Variants in HDAC4 observed in about 807,000 individuals in gnomAD.
HDAC4 encodes histone deacetylase 4.
A neutral mutation model predicts 135.1 loss-of-function variants in HDAC4; 16 were observed. The observed-to-expected ratio is 0.12, with a 90% CI of 0.08 to 0.18. HDAC4 has a LOEUF of 0.18. HDAC4 is among the 10% of genes least tolerant of loss of function. The pLI, the probability that HDAC4 is intolerant of heterozygous loss-of-function variation, is 1.00. For synonymous variants in HDAC4, 685 were observed against 653.4 expected, an observed-to-expected ratio of 1.05 and a Z score of -0.74; for missense variants, 1,143 against 1,511.8, an observed-to-expected ratio of 0.76 and a Z score of 4.05.
intron 16 of HDAC4, among the ~76,000 whole-genome samples, chr2:239,101,053 A>G (rs973740804): frequency 3.9e-5 from 6 of 151,984 alleles, no homozygotes; most frequent in African/African-American, 7.2e-5. Context: ...GAGCTGTCGG[A>G]GTCTGTGGGG....
chr2:239,361,987 T>C (rs1291740525), intron 1 of HDAC4, among the ~76,000 whole-genome samples: 1 of 152,230 alleles, frequency 6.6e-6, no homozygotes, highest in Non-Finnish European at 1.5e-5. Flanking sequence ...ACGTTTGAAA[T>C]GTGTATCTGT....
intron 2 of HDAC4, among the ~76,000 whole-genome samples, chr2:239,276,413 C>G (rs1479381065): frequency 1.3e-5 from 2 of 152,232 alleles, no homozygotes; most frequent in Non-Finnish European, 2.9e-5. Context: ...AGGAGTGGGA[C>G]AGGCACCCGG....
At chr2:239,200,377 G>A (rs1406276805) in intron 3 of HDAC4, among the ~76,000 whole-genome samples, 2 of 152,128 alleles carry the variant, frequency 1.3e-5, no homozygotes, top group African/African-American at 2.4e-5. Flanking sequence ...TGGTGGGGAG[G>A]GGCACGCACG....
intron 24 of HDAC4, among the ~76,000 whole-genome samples, chr2:239,062,479 T>C (rs531014554): frequency 6.6e-6 from 1 of 152,254 alleles, no homozygotes; most frequent in Non-Finnish European, 1.5e-5. Context: ...TTGATAAAAC[T>C]AGTGCTTCCT....
intron 3 of HDAC4, among the ~76,000 whole-genome samples, chr2:239,200,873 C>T (rs573970647): frequency 4.6e-5 from 7 of 152,154 alleles, no homozygotes; most frequent in East Asian, 3.9e-4. Flanking sequence ...GATGGCACTG[C>T]GCTTTAGCCT....
intron 1 of HDAC4, among the ~76,000 whole-genome samples, chr2:239,378,249 G>A (rs1378354465): frequency 5.3e-5 from 8 of 152,244 alleles, no homozygotes; most frequent in African/African-American, 1.9e-4. Context: ...CTTCCTGGGG[G>A]AGACGAGCAC....
chr2:239,368,694 T>C (rs1258446318), intron 1 of HDAC4, among the ~76,000 whole-genome samples: 2 of 152,114 alleles, frequency 1.3e-5, no homozygotes, highest in Admixed American at 6.5e-5. Context: ...GTGCCTCTCC[T>C]GCCCAGGTGA....
chr2:239,175,894 C>A (rs1427090543), intron 5 of HDAC4, among the ~76,000 whole-genome samples: 1 of 152,174 alleles, frequency 6.6e-6, no homozygotes, highest in Non-Finnish European at 1.5e-5. Context: ...AATATTGAAT[C>A]CTGCAGCCCT....
intron 1 of HDAC4, among the ~76,000 whole-genome samples, chr2:239,395,106 C>G (rs1405619474): frequency 6.6e-6 from 1 of 152,142 alleles, no homozygotes; most frequent in Non-Finnish European, 1.5e-5. Context: ...GGAAGGGGAA[C>G]AGTGTGTGCA....
At chr2:239,369,961 C>A (rs1694492865) in intron 1 of HDAC4, among the ~76,000 whole-genome samples, 1 of 152,236 alleles carries the variant, frequency 6.6e-6, no homozygotes, top group Admixed American at 6.5e-5. Context: ...AATCATAGGA[C>A]CGCCACATCC....
intron 1 of HDAC4, among the ~76,000 whole-genome samples, chr2:239,390,243 C>T (rs774787129): frequency 2.0e-5 from 3 of 152,194 alleles, no homozygotes; most frequent in Admixed American, 6.5e-5. Context: ...ATACCTCCCT[C>T]GAAGCCAGCC....
At chr2:239,212,761 G>A (rs2046411846) in intron 3 of HDAC4, among the ~76,000 whole-genome samples, 1 of 152,154 alleles carries the variant, frequency 6.6e-6, no homozygotes, top group Admixed American at 6.5e-5. Flanking sequence ...GGTCCTCTCT[G>A]GGCTAAGAGA....
At position 239,332,001 on chromosome 2, in the gene HDAC4, A is replaced by G. The variant is rs566510092; in HGVS notation, c.22+20677T>C. Among the ~76,000 whole-genome samples, 4 of 152,358 alleles carry G rather than the reference A, an allele frequency of 2.6e-5. No homozygotes were observed. In the East Asian group the frequency reaches 7.7e-4, roughly 29 times the overall value. ...AGGGATACAAGAGGGAAAGGTGGAC[A>G]TTTCACAGTAACAAAAAGGCAGTTA... On this transcript the variant is annotated intron_variant, in intron 2 of 26. Coordinates refer to ENST00000543185, the MANE Select transcript of HDAC4 (RefSeq NM_001378414.1).
intron 3 of HDAC4, among the ~76,000 whole-genome samples, chr2:239,235,248 G>C (rs918008178): frequency 6.6e-6 from 1 of 151,868 alleles, no homozygotes; most frequent in African/African-American, 2.4e-5. Context: ...GAGCCTTCCC[G>C]GAGCAGGGCA....
At chr2:239,126,755 G>A in intron 11 of HDAC4, 61 bp from the exon 12 acceptor site, 2 of 1,501,690 alleles carry the variant, frequency 1.3e-6, no homozygotes, top group Non-Finnish European at 9.2e-7. Context: ...GAGGGAGAGA[G>A]GGCTATTGAG....
chr2:239,370,449 G>A (rs148969681), intron 1 of HDAC4, among the ~76,000 whole-genome samples: 4 of 152,318 alleles, frequency 2.6e-5, no homozygotes, highest in Admixed American at 1.3e-4. Flanking sequence ...TTGTAAAACT[G>A]GATTTGCCCA....
chr2:239,071,871 T>C (rs1044800267), intron 22 of HDAC4, among the ~76,000 whole-genome samples: 1 of 152,142 alleles, frequency 6.6e-6, no homozygotes, highest in Non-Finnish European at 1.5e-5. Flanking sequence ...GAGACGCCCA[T>C]GGTGTCAACT....
At chr2:239,144,524 T>C (rs1164431105) in intron 8 of HDAC4, 59 bp downstream of exon 8, 18 of 1,609,298 alleles carry the variant, frequency 1.1e-5, no homozygotes, top group African/African-American at 1.3e-5. Context: ...AAATCGCCTA[T>C]GGCAGGAAGG....
chr2:239,379,993 T>A (rs1186693792), intron 1 of HDAC4, among the ~76,000 whole-genome samples: 4 of 151,926 alleles, frequency 2.6e-5, no homozygotes, highest in Non-Finnish European at 5.9e-5. Flanking sequence ...CGTGGTGGAG[T>A]GTGGCCAGCC....
Sources: allele counts gnomAD v4.1 joint callset (sites outside exome capture counted in the v4.1 genomes callset), GRCh38; gene constraint gnomAD v4.1.1; transcripts MANE v1.5; gene names NCBI Gene and HGNC (gene_info 2026-07-23, HGNC 2026-07-21).